ZDHHC15: variants seen among roughly 807,000 people sequenced by gnomAD.
ZDHHC15 encodes the protein palmitoyltransferase ZDHHC15.
A neutral mutation model predicts 31.7 loss-of-function variants in ZDHHC15; 19 were observed. The ratio of observed to expected loss-of-function variants is 0.60; its 90% CI spans 0.42 to 0.88. The LOEUF is 0.88. ZDHHC15 is among the 40% of genes least tolerant of loss of function. ZDHHC15 has a pLI of 0.00. For missense variants in ZDHHC15, 209 were observed against 251.2 expected, an observed-to-expected ratio of 0.83 and a Z score of 1.14; for synonymous variants, 103 against 90.0, an observed-to-expected ratio of 1.14 and a Z score of -0.82.
chrX:75,444,506 A>C (rs2083998229), intron 4 of ZDHHC15, among the ~76,000 whole-genome samples: 6 of 102,334 alleles, frequency 5.9e-5, no homozygotes, highest in Admixed American at 4.3e-4. Flanking sequence ...ATTAGGAGAT[A>C]TACCTAATGT....
rs1220656896 is a variant in ZDHHC15, at chrX:75,478,239, C to T, written c.258+652G>A. ...TTCTCAGAGTTGTATTTCAGAGTCTCACTGGAATGAAATAACAGCACTAAA... is the reference window on the plus strand; with the variant it reads ...TTCTCAGAGTTGTATTTCAGAGTCTTACTGGAATGAAATAACAGCACTAAA... On this transcript the variant is annotated intron_variant, in intron 3 of 11. Coordinates refer to ENST00000373367, the MANE Select transcript of ZDHHC15 (RefSeq NM_144969.3). 3.6e-5 allele frequency among the ~76,000 whole-genome samples: 4 copies of T among 111,756 alleles called. No homozygotes were observed. The South Asian group carries it at 1.1e-3, about 31-fold the overall frequency.
At chrX:75,384,396 G>C (rs2083157597) in intron 10 of ZDHHC15, 1 of 1,013,858 alleles carries the variant, frequency 9.9e-7, no homozygotes, top group Non-Finnish European at 1.4e-6. Context: ...TGTTCTCTAG[G>C]CCTTTTAGAA....
intron 11 of ZDHHC15, among the ~76,000 whole-genome samples, chrX:75,378,509 C>G (rs1163601687): frequency 1.8e-5 from 2 of 111,934 alleles, no homozygotes; most frequent in African/African-American, 6.5e-5. Flanking sequence ...CCGATCAGAG[C>G]TATAAGCTCT....
chrX:75,391,997 CTTTG>C (rs747723931), intron 10 of ZDHHC15, among the ~76,000 whole-genome samples: 22 of 112,172 alleles, frequency 2.0e-4, no homozygotes, highest in Non-Finnish European at 3.2e-4. Flanking sequence ...TTAGTTTTAT[CTTTG>C]TTTGTTTATG....
At chrX:75,445,298 T>C (rs1362272699) in intron 4 of ZDHHC15, among the ~76,000 whole-genome samples, 3 of 111,728 alleles carry the variant, frequency 2.7e-5, no homozygotes, top group Non-Finnish European at 5.6e-5. Flanking sequence ...ATGATGCTAA[T>C]GACACTGTAT....
chrX:75,409,795 T>TAAAAAAAAAAAA (rs1189768393), intron 10 of ZDHHC15, among the ~76,000 whole-genome samples: 1 of 35,530 alleles, frequency 2.8e-5, no homozygotes, highest in African/African-American at 1.6e-4. Context: ...ACCCCATCTC[T>TAAAAAAAAAAAA]AAAAAAAAAA....
chrX:75,461,357 T>C (rs921271195), intron 3 of ZDHHC15, among the ~76,000 whole-genome samples: 3 of 111,719 alleles, frequency 2.7e-5, no homozygotes, highest in Admixed American at 9.5e-5. Context: ...CTGGAAAATA[T>C]ATTTCAGGAT....
chrX:75,446,546 T>C (rs768461662), intron 4 of ZDHHC15, among the ~76,000 whole-genome samples: 6 of 112,201 alleles, frequency 5.3e-5, no homozygotes, highest in Non-Finnish European at 1.1e-4. Context: ...GTGAAGATAT[T>C]TGTATCTTGT....
intron 10 of ZDHHC15, among the ~76,000 whole-genome samples, chrX:75,387,739 T>C (rs770575236): frequency 3.6e-5 from 4 of 111,868 alleles, no homozygotes; most frequent in Non-Finnish European, 7.5e-5. Context: ...ATCGAAAGCA[T>C]AATTCAATAA....
intron 2 of ZDHHC15, among the ~76,000 whole-genome samples, chrX:75,492,872 C>T (rs2084922385): frequency 1.8e-5 from 2 of 111,384 alleles, no homozygotes; most frequent in African/African-American, 6.5e-5. Flanking sequence ...ATTAAAAGAA[C>T]TAGAGAAGCA....
At chrX:75,521,525 G>A (rs2085441529) in intron 1 of ZDHHC15, among the ~76,000 whole-genome samples, 1 of 110,973 alleles carries the variant, frequency 9.0e-6, no homozygotes, top group African/African-American at 3.3e-5. Flanking sequence ...TTTGTGTCGG[G>A]AAATATTGTA....
intron 3 of ZDHHC15, among the ~76,000 whole-genome samples, chrX:75,455,704 G>C: frequency 8.9e-6 from 1 of 111,856 alleles, no homozygotes; most frequent in East Asian, 2.8e-4. Flanking sequence ...GTGGGCAAAG[G>C]ATATGAACAG....
At chrX:75,403,212 T>C (rs758648401) in intron 10 of ZDHHC15, among the ~76,000 whole-genome samples, 1 of 112,088 alleles carries the variant, frequency 8.9e-6, no homozygotes, top group South Asian at 3.7e-4. Context: ...AATAACTAGG[T>C]ATTGAAGTAA....
intron 3 of ZDHHC15, among the ~76,000 whole-genome samples, chrX:75,462,119 A>G (rs901361845): frequency 1.8e-5 from 2 of 111,798 alleles, no homozygotes; most frequent in African/African-American, 6.5e-5. Flanking sequence ...AAAAAAGTAG[A>G]GGTTACAATC....
intron 2 of ZDHHC15, among the ~76,000 whole-genome samples, chrX:75,493,359 G>A (rs1181960790): frequency 8.9e-6 from 1 of 111,801 alleles, no homozygotes; most frequent in Non-Finnish European, 1.9e-5. Context: ...GAGGTACAAG[G>A]AGGAGCTGGT....
intron 2 of ZDHHC15, among the ~76,000 whole-genome samples, chrX:75,494,354 C>G (rs1297836853): frequency 3.6e-5 from 4 of 111,431 alleles, no homozygotes; most frequent in African/African-American, 1.3e-4. Flanking sequence ...AATGGCCATA[C>G]TGCCCAAGGT....
At chrX:75,403,602 C>T (rs940844956) in intron 10 of ZDHHC15, among the ~76,000 whole-genome samples, 1 of 111,594 alleles carries the variant, frequency 9.0e-6, no homozygotes, top group African/African-American at 3.3e-5. Flanking sequence ...AACCAAGAGC[C>T]AAATCAGGAA....
chrX:75,460,631 C>A (rs1341328286), intron 3 of ZDHHC15, among the ~76,000 whole-genome samples: 1 of 109,967 alleles, frequency 9.1e-6, no homozygotes, highest in Admixed American at 9.8e-5. Context: ...GGTGATACAT[C>A]CAGGTATGAA....
intron 9 of ZDHHC15, among the ~76,000 whole-genome samples, chrX:75,421,410 TA>T (rs1315286064): frequency 3.5e-3 from 15 of 4,328 alleles, no homozygotes; most frequent in East Asian, 0.036. Flanking sequence ...TATATATATA[TA>T]ATATATATAT....
Sources: gnomAD v4.1 joint callset for allele counts (sites outside exome capture counted in the v4.1 genomes callset) on GRCh38, gnomAD v4.1.1 for gene constraint, MANE v1.5 for transcripts, NCBI Gene and HGNC (gene_info 2026-07-23, HGNC 2026-07-21) for gene names.